Variants in NOD2 observed in about 807,000 individuals in gnomAD.
The protein encoded by NOD2 is nucleotide binding oligomerization domain containing 2.
Under a neutral mutation model 90.9 loss-of-function variants are expected in NOD2, and 86 were observed. The ratio of observed to expected loss-of-function variants is 0.95; its 90% confidence interval spans 0.79 to 1.13. NOD2 has a LOEUF of 1.13. Among genes scored for constraint, NOD2 ranks in the 50% most tolerant of loss-of-function variants. NOD2 has a pLI of 0.00. For synonymous variants in NOD2, 581 were observed against 554.6 expected (o/e 1.05, Z -0.67); for missense variants, 1,238 against 1,283.8 (o/e 0.96, Z 0.55).
intron 2 of NOD2, among the ~76,000 whole-genome samples, chr16:50,702,686 GT>G (rs1963995429): frequency 6.6e-6 from 1 of 152,184 alleles, no homozygotes; most frequent in Non-Finnish European, 1.5e-5. Context: ...TTCCTACTGT[GT>G]GCCAGACACT....
intron 3 of NOD2, 39 bp downstream of exon 3, chr16:50,707,999 A>G: frequency 1.5e-6 from 2 of 1,364,492 alleles, no homozygotes; most frequent in Non-Finnish European, 2.1e-6. Flanking sequence ...AGGGAAGGGC[A>G]GTCAGTGCAG....
At chr16:50,696,903 G>T (rs530186072) in intron 1 of NOD2, among the ~76,000 whole-genome samples, 1 of 152,344 alleles carries the variant, frequency 6.6e-6, no homozygotes, top group Admixed American at 6.5e-5. Flanking sequence ...TGGCTCACAC[G>T]TAGGCCAGGC....
chr16:50,700,055 T>C, intron 2 of NOD2, 101 bp downstream of exon 2: 1 of 1,169,486 alleles, frequency 8.6e-7, no homozygotes, highest in African/African-American at 1.5e-5. Flanking sequence ...GGTAACTTGG[T>C]CCATGGGATT....
chr16:50,710,068 C>T, intron 3 of NOD2: 1 of 451,646 alleles, frequency 2.2e-6, no homozygotes. Context: ...CCTTTGTTCC[C>T]CTTTAGAAAA....
Position 50,708,011 on chromosome 16 carries a change from T to A in NOD2, c.565+51T>A, listed in dbSNP as rs1433590441. The A allele has an allele frequency of 4.7e-6, 6 of 1,287,056 alleles. No homozygotes were observed. In the East Asian group the frequency reaches 1.2e-4, roughly 25 times the overall value. The allele number at this position is 1,287,056 out of a possible 1,614,324, so 79.7% of individuals were successfully genotyped here. A position where few individuals can be genotyped will look rare whatever the true frequency, so the allele number is the denominator to read the frequency against. Reference sequence around the variant, plus strand: ...GAAAGGGAAGGGCAGTCAGTGCAGATCCATGGTTAAGAGCAGAACACACCT... The same window carrying A: ...GAAAGGGAAGGGCAGTCAGTGCAGAACCATGGTTAAGAGCAGAACACACCT... On this transcript the variant is annotated intron_variant, in intron 3 of 11. Coordinates refer to ENST00000647318, the MANE Select transcript of NOD2 (RefSeq NM_001370466.1).
chr16:50,702,684 G>A (rs1272191386), intron 2 of NOD2, among the ~76,000 whole-genome samples: 1 of 152,164 alleles, frequency 6.6e-6, no homozygotes, highest in African/African-American at 2.4e-5. Context: ...AATTCCTACT[G>A]TGTGCCAGAC....
Position 50,711,492 on chromosome 16 carries a change from C to G in NOD2, c.1500C>G (p.Pro500=), listed in dbSNP as rs104895435. The change falls in exon 4 of 12, where the codon CCC becomes CCG. Residue 500 remains proline, a synonymous_variant. Transcript: ENST00000647318. ...ILQHFLLHAT[P]PDSASQGLGP... is the part of the protein sequence containing the mutation. ...AGCATTTTCTGCTGCATGCCACCCC[C>G]CCAGACTCAGCTTCCCAAGGTCTGG... 20 of 1,613,338 alleles carry G rather than the reference C, an allele frequency of 1.2e-5. No individual in the cohort carries two copies. The highest frequency in any genetic ancestry group is 1.6e-5 in the Non-Finnish European group (19 of 1,179,930).
rs576711120 is a variant in NOD2 at position 50,730,134 on chromosome 16, A to G, written c.2969+233A>G. Among the ~76,000 whole-genome samples, 3 of 152,336 alleles carry G rather than the reference A, an allele frequency of 2.0e-5. No individual in the cohort carries two copies. In the East Asian group the frequency reaches 5.8e-4, roughly 29 times the overall value. Reference sequence around the variant, plus strand: ...TTTAAACCTTGACTATTTATTCAGCAACTTCTCTGCTCTATGAGATAGTGT... The same window carrying G: ...TTTAAACCTTGACTATTTATTCAGCGACTTCTCTGCTCTATGAGATAGTGT... On this transcript the variant is annotated intron_variant, in intron 11 of 11. Coordinates refer to ENST00000647318, the MANE Select transcript of NOD2 (RefSeq NM_001370466.1).
chr16:50,696,096 G>A (rs893251109), intron 1 of NOD2, among the ~76,000 whole-genome samples: 2 of 152,126 alleles, frequency 1.3e-5, no homozygotes, highest in African/African-American at 4.8e-5. Flanking sequence ...GGGAGGGTGG[G>A]GGGCTTGGCC....
At chr16:50,731,375 AT>A (rs2150845676) in intron 11 of NOD2, among the ~76,000 whole-genome samples, 1 of 152,236 alleles carries the variant, frequency 6.6e-6, no homozygotes, top group African/African-American at 2.4e-5. Flanking sequence ...TGAGGTTGAT[AT>A]TTTAAGGGGT....
chr16:50,712,174 G>T lies in NOD2; in HGVS notation c.2182G>T (p.Ala728Ser). ...SLYEMQEERL[A>S]RKAARGLNVG... is the part of the protein sequence containing the mutation. Reference sequence around the variant, plus strand: ...GTACGAGATGCAGGAGGAGCGGCTGGCTCGGAAGGCTGCACGTGGCCTGAA... The same window carrying T: ...GTACGAGATGCAGGAGGAGCGGCTGTCTCGGAAGGCTGCACGTGGCCTGAA... Residue 728 changes from alanine to serine, a missense_variant, in exon 4 of 12, where the codon GCT becomes TCT. Physicochemically the swap from Ala to Ser is moderately conservative, Grantham distance 99 (BLOSUM62 1). Coordinates refer to ENST00000647318, the MANE Select transcript of NOD2 (RefSeq NM_001370466.1). 6.2e-7 allele frequency: 1 copy of T among 1,613,996 alleles called. No homozygotes were observed. Among genetic ancestry groups the T allele is most frequent in the Non-Finnish European group, 8.5e-7 (1 of 1,180,052 alleles).
intron 10 of NOD2, chr16:50,727,939 T>G: frequency 3.8e-6 from 1 of 265,166 alleles, no homozygotes; most frequent in East Asian, 9.5e-5. Flanking sequence ...CTTTGGAGCT[T>G]CTTCTCGGTC....
chr16:50,693,616 G>A lies in NOD2; in HGVS notation c.-55G>A, dbSNP rs1006138194. The A allele has an allele frequency of 1.3e-5, 2 of 152,952 alleles. No individual in the cohort carries two copies. Among genetic ancestry groups the A allele is most frequent in the Non-Finnish European group, 2.9e-5 (2 of 68,266 alleles). The allele number at this position is 152,952 out of a possible 1,614,324, so 9.5% of individuals were successfully genotyped here. On this transcript the variant is annotated 5_prime_UTR_variant, in exon 1 of 12. Coordinates refer to ENST00000647318, the MANE Select transcript of NOD2 (RefSeq NM_001370466.1). ...GCCCGAGCCGGAGCCGGAGCCGGGAGTCGTGGCCCGGAGTGGGCCTTGGAG... is the reference window on the plus strand; with the variant it reads ...GCCCGAGCCGGAGCCGGAGCCGGGAATCGTGGCCCGGAGTGGGCCTTGGAG...
Position 50,712,298 on chromosome 16 carries a change from A to C in NOD2, c.2306A>C (p.Gln769Pro), listed in dbSNP as rs1458967886. 1 of 1,614,064 alleles carries C rather than the reference A, an allele frequency of 6.2e-7. No homozygotes were observed. Among genetic ancestry groups the C allele is most frequent in the Non-Finnish European group, 8.5e-7 (1 of 1,180,032 alleles). ...LQHLRRPVAL[Q>P]LDYNSVGDIG... ...CACCTCCGGCGGCCCGTGGCCCTGC[A>C]GCTGGACTACAACTCTGTGGGTGAC... The change falls in exon 4 of 12, where the codon CAG (glutamine) becomes CCG (proline). Residue 769 changes from glutamine to proline, a missense_variant. Physicochemically the swap from Gln to Pro is moderately conservative, Grantham distance 76 (BLOSUM62 -1). Transcript: ENST00000647318.
chr16:50,710,816 G>A lies in NOD2; in HGVS notation c.824G>A (p.Gly275Asp). 6.2e-7 allele frequency: 1 copy of A among 1,614,092 alleles called. No homozygotes were observed. The highest frequency in any genetic ancestry group is 8.5e-7 in the Non-Finnish European group (1 of 1,180,024). ...ACTGTGCTGGTGGTGGGTGAGGCGGGCAGTGGCAAGAGCACGCTCCTGCAG... is the reference window on the plus strand; with the variant it reads ...ACTGTGCTGGTGGTGGGTGAGGCGGACAGTGGCAAGAGCACGCTCCTGCAG... ...ADTVLVVGEAGSGKSTLLQRL... is the reference protein window; with the variant it reads ...ADTVLVVGEADSGKSTLLQRL... The change falls in exon 4 of 12, where the codon GGC becomes GAC. Residue 275 changes from glycine to aspartate, a missense_variant. Physicochemically the swap from Gly to Asp is moderately conservative, Grantham distance 94 (BLOSUM62 -1). Transcript: ENST00000647318.
At chr16:50,701,764 G>T (rs1963949477) in intron 2 of NOD2, among the ~76,000 whole-genome samples, 1 of 151,988 alleles carries the variant, frequency 6.6e-6, no homozygotes, top group South Asian at 2.1e-4. Context: ...AAAAGAAATG[G>T]GATAACTCAT....
chr16:50,697,540 C>T, intron 1 of NOD2: 1 of 637,888 alleles, frequency 1.6e-6, no homozygotes, highest in South Asian at 1.7e-5. Flanking sequence ...CAGCTGAGAA[C>T]CACTCCAGGG....
Position 50,699,846 on chromosome 16 carries a change from G to T in NOD2, c.351G>T (p.Arg117Ser). 2.5e-6 allele frequency: 4 copies of T among 1,613,222 alleles called. No homozygotes were observed. ...GTCACCGGCCAGCCATTGTCAGGAG[G>T]CTCCACAGCCATGTGGAGAACATGC... The part of the protein sequence containing the change: ...LQSHRPAIVR[R>S]LHSHVENMLD... The change falls in exon 2 of 12, where the codon AGG becomes AGT. Residue 117 changes from arginine to serine, a missense_variant. Arg to Ser is a moderately radical substitution (Grantham distance 110). This residue lies in a region of NOD2 where 567 missense variants were observed against 577.3 expected (regional missense o/e 0.98). Coordinates refer to ENST00000647318, the MANE Select transcript of NOD2 (RefSeq NM_001370466.1).
Position 50,711,191 on chromosome 16 carries a change from C to T in NOD2, c.1199C>T (p.Pro400Leu), listed in dbSNP as rs766651775. 99 of 1,614,000 alleles carry T rather than the reference C, an allele frequency of 6.1e-5. 1 individual carries two copies. The highest frequency in any genetic ancestry group is 1.3e-4 in the Admixed American group (8 of 60,016). The change falls in exon 4 of 12, where the codon CCG becomes CTG. Residue 400 changes from proline (P) to leucine (L), a missense_variant. Coordinates refer to ENST00000647318, the MANE Select transcript of NOD2 (RefSeq NM_001370466.1). ...GCCCGCAAGGTGGTGACCAGCCGTCCGGCCGCTGTGTCGGCGTTCCTCAGG... is the reference window on the plus strand; with the variant it reads ...GCCCGCAAGGTGGTGACCAGCCGTCTGGCCGCTGTGTCGGCGTTCCTCAGG... ...KNARKVVTSRPAAVSAFLRKY... is the reference protein window; with the variant it reads ...KNARKVVTSRLAAVSAFLRKY...
Sources: allele counts gnomAD v4.1 joint callset (sites outside exome capture counted in the v4.1 genomes callset), GRCh38; gene constraint gnomAD v4.1.1; regional missense constraint gnomAD v4.1.1; transcripts MANE v1.5; gene names NCBI Gene and HGNC (gene_info 2026-07-23, HGNC 2026-07-21).